SLC14A2: variants seen among roughly 807,000 people sequenced by gnomAD.
SLC14A2 encodes urea transporter 2.
SLC14A2 carries 91 observed loss-of-function variants against 104.6 expected under a neutral mutation model. That is an observed-to-expected ratio of 0.87 (90% CI 0.73 to 1.04). The LOEUF is 1.04. SLC14A2 is among the 50% of genes least tolerant of loss of function. SLC14A2 has a pLI of 0.00. For missense variants in SLC14A2, 1,189 were observed against 1,156.0 expected, an observed-to-expected ratio of 1.03 and a Z score of -0.41; for synonymous variants, 476 against 466.4, an observed-to-expected ratio of 1.02 and a Z score of -0.27.
chr18:45,597,372 C>G (rs145244473), intron 2 of SLC14A2, among the ~76,000 whole-genome samples: 15 of 152,176 alleles, frequency 9.9e-5, no homozygotes, highest in African/African-American at 3.4e-4. Flanking sequence ...ATGGAGTTTA[C>G]AGTGACAGTC....
intron 2 of SLC14A2, among the ~76,000 whole-genome samples, chr18:45,589,376 CACAA>C (rs2044615216): frequency 6.6e-6 from 1 of 151,956 alleles, no homozygotes; most frequent in Non-Finnish European, 1.5e-5. Context: ...TTAAAGTGCA[CACAA>C]ACACACACAC....
intron 1 of SLC14A2, among the ~76,000 whole-genome samples, chr18:45,372,690 T>A (rs1008825216): frequency 2.6e-5 from 4 of 152,172 alleles, no homozygotes; most frequent in African/African-American, 9.7e-5. Flanking sequence ...CAGGGGATAC[T>A]TGTGCCAATA....
At chr18:45,475,467 A>T (rs1353640829) in intron 1 of SLC14A2, among the ~76,000 whole-genome samples, 1 of 151,428 alleles carries the variant, frequency 6.6e-6, no homozygotes, top group Non-Finnish European at 1.5e-5. Flanking sequence ...TGGGGTGTTA[A>T]TACACTATTA....
At chr18:45,203,268 G>T in the SLC14A2 span, among the ~76,000 whole-genome samples, 19,077 of 152,100 alleles carry the variant, frequency 0.13, 1,481 homozygotes, top group Middle Eastern at 0.22. Flanking sequence ...CTTCAAAGTC[G>T]GCTGTCTTCT....
chr18:45,606,759 CAAAAAAAA>C (rs535052877), intron 2 of SLC14A2, among the ~76,000 whole-genome samples: 5 of 14,178 alleles, frequency 3.5e-4, no homozygotes, highest in African/African-American at 1.4e-3. Flanking sequence ...AAAACAAAAA[CAAAAAAAA>C]AAAACACTGG....
chr18:45,586,682 C>T (rs2044571058), intron 2 of SLC14A2, among the ~76,000 whole-genome samples: 1 of 152,046 alleles, frequency 6.6e-6, no homozygotes, highest in African/African-American at 2.4e-5. Flanking sequence ...CTTTTGAGTC[C>T]CTGCTCTTCC....
At chr18:45,455,639 T>TAATAATAAA in intron 1 of SLC14A2, among the ~76,000 whole-genome samples, 1 of 143,858 alleles carries the variant, frequency 7.0e-6, no homozygotes, top group Non-Finnish European at 1.5e-5. Context: ...ACTTAAAGCA[T>TAATAATAAA]AATAATAATA....
intron 2 of SLC14A2, among the ~76,000 whole-genome samples, chr18:45,559,052 G>A (rs2044170438): frequency 6.6e-6 from 1 of 152,114 alleles, no homozygotes; most frequent in Admixed American, 6.6e-5. Context: ...GCCTCCTAAA[G>A]TGCTGTGATT....
chr18:45,350,635 C>T (rs992328321), intron 1 of SLC14A2, among the ~76,000 whole-genome samples: 9 of 152,046 alleles, frequency 5.9e-5, no homozygotes, highest in African/African-American at 2.2e-4. Context: ...GCGGTAATGC[C>T]GCTGACGCAC....
At chr18:45,524,252 G>A (rs1039841863) in intron 2 of SLC14A2, among the ~76,000 whole-genome samples, 12 of 152,214 alleles carry the variant, frequency 7.9e-5, no homozygotes, top group African/African-American at 2.7e-4. Flanking sequence ...CTTGCATGGA[G>A]AGTGTATTTT....
At chr18:45,197,458 A>G in the SLC14A2 span, among the ~76,000 whole-genome samples, 3 of 152,186 alleles carry the variant, frequency 2.0e-5, no homozygotes, top group Non-Finnish European at 4.4e-5. Context: ...AACAAGGAAG[A>G]TATTCGGGGT....
chr18:45,523,833 G>A (rs997464186), intron 2 of SLC14A2, among the ~76,000 whole-genome samples: 1 of 152,154 alleles, frequency 6.6e-6, no homozygotes, highest in Non-Finnish European at 1.5e-5. Context: ...GGCCACATTT[G>A]TTGAGAACTT....
chr18:45,395,555 G>GT (rs1295865403), intron 1 of SLC14A2, among the ~76,000 whole-genome samples: 3 of 151,982 alleles, frequency 2.0e-5, no homozygotes, highest in African/African-American at 7.3e-5. Flanking sequence ...AATATGTGGG[G>GT]TTTTTACCAC....
chr18:45,418,181 G>T (rs1392849911), intron 1 of SLC14A2, among the ~76,000 whole-genome samples: 1 of 152,108 alleles, frequency 6.6e-6, no homozygotes, highest in Admixed American at 6.5e-5. Context: ...AAATGCCAAG[G>T]ACACTGCTAG....
chr18:45,414,945 T>C (rs961157179), intron 1 of SLC14A2, among the ~76,000 whole-genome samples: 26 of 151,592 alleles, frequency 1.7e-4, no homozygotes, highest in Non-Finnish European at 1.6e-4. Flanking sequence ...TCCGATCAGC[T>C]TCTTTGCATG....
intron 1 of SLC14A2, among the ~76,000 whole-genome samples, chr18:45,428,559 T>C (rs144760832): frequency 6.6e-6 from 1 of 152,252 alleles, no homozygotes; most frequent in Non-Finnish European, 1.5e-5. Context: ...GAGCCACCCC[T>C]ATAGGCTGGA....
chr18:45,435,719 A>G (rs946634629), intron 1 of SLC14A2, among the ~76,000 whole-genome samples: 2 of 152,332 alleles, frequency 1.3e-5, no homozygotes, highest in East Asian at 3.9e-4. Context: ...GGCTTGTCCC[A>G]GGACTCTATA....
At chr18:45,420,638 G>C (rs530239744) in intron 1 of SLC14A2, among the ~76,000 whole-genome samples, 98 of 152,228 alleles carry the variant, frequency 6.4e-4, no homozygotes, top group African/African-American at 2.2e-3. Flanking sequence ...AATAATGGTT[G>C]ATAATAGGAA....
chr18:45,306,838 T>C (rs1256313861), intron 1 of SLC14A2, among the ~76,000 whole-genome samples: 1 of 152,166 alleles, frequency 6.6e-6, no homozygotes, highest in African/African-American at 2.4e-5. Context: ...TGATTCTTTG[T>C]GCGTAACTCA....
Sources: gnomAD v4.1 joint callset for allele counts (sites outside exome capture counted in the v4.1 genomes callset) on GRCh38, gnomAD v4.1.1 for gene constraint, MANE v1.5 for transcripts, NCBI Gene and HGNC (gene_info 2026-07-23, HGNC 2026-07-21) for gene names.